Variants in FMN2 observed in about 807,000 individuals in gnomAD.
FMN2 encodes formin 2.
Under a neutral mutation model 142.3 loss-of-function variants are expected in FMN2, and 51 were observed. The observed-to-expected ratio is 0.36, with a 90% CI of 0.29 to 0.45. The LOEUF (loss-of-function observed/expected upper bound fraction) is 0.45, where lower values mean the gene tolerates loss of function less well. Ranked by LOEUF, FMN2 falls within the 20% of genes least tolerant of loss-of-function variation. The pLI is 1.00. For missense variants in FMN2, 1,936 were observed against 2,122.8 expected, an observed-to-expected ratio of 0.91 and a Z score of 1.73; for synonymous variants, 882 against 869.8, an observed-to-expected ratio of 1.01 and a Z score of -0.25.
At chr1:240,290,146 A>G (rs575885728) in intron 7 of FMN2, among the ~76,000 whole-genome samples, 1 of 152,254 alleles carries the variant, frequency 6.6e-6, no homozygotes, top group South Asian at 2.1e-4. Context: ...TATTTTTTTA[A>G]TGTAATGCAG....
At chr1:240,192,672 A>G (rs772820308) in intron 4 of FMN2, among the ~76,000 whole-genome samples, 3 of 152,172 alleles carry the variant, frequency 2.0e-5, no homozygotes, top group Non-Finnish European at 4.4e-5. Flanking sequence ...TAGGTCCTCA[A>G]TAAATAGTTT....
Position 240,472,580 on chromosome 1 carries a change from T to C in FMN2, c.5142+127T>C, listed in dbSNP as rs895527187. Reference sequence around the variant, plus strand: ...TGTGAATAAATAAGGAGCTTCTGACTTCAAGAATCTCCTTTTTCTTATGCC... The same window carrying C: ...TGTGAATAAATAAGGAGCTTCTGACCTCAAGAATCTCCTTTTTCTTATGCC... On this transcript the variant is annotated intron_variant, in intron 17 of 17. Transcript: ENST00000319653. 1.4e-5 allele frequency: 8 copies of C among 573,978 alleles called. No homozygotes were observed. The African/African-American group carries it at 1.6e-4, about 11-fold the overall frequency. 35.6% of individuals were successfully genotyped at this position (573,978 alleles called of 1,614,324 possible).
At position 240,311,021 on chromosome 1, in the gene FMN2, G is replaced by A. The variant is rs539877941; in HGVS notation, c.4215+16138G>A. Among the ~76,000 whole-genome samples, 38 of 151,864 alleles carry A rather than the reference G, an allele frequency of 2.5e-4. 1 individual carries two copies. The highest frequency in any genetic ancestry group is 8.5e-4 in the Admixed American group (13 of 15,250). On this transcript the variant is annotated intron_variant, in intron 8 of 17. Transcript: ENST00000319653. ...AACTGAAGAAAAATACATGAAAAAA[G>A]ATAGGAAGGGAAAAAATTCAACACC... is the stretch of plus-strand genomic sequence containing the variant.
intron 16 of FMN2, among the ~76,000 whole-genome samples, chr1:240,469,918 A>G (rs1676752301): frequency 6.6e-6 from 1 of 152,184 alleles, no homozygotes; most frequent in Non-Finnish European, 1.5e-5. Flanking sequence ...GGATGAGCTG[A>G]AAGATCTTGT....
chr1:240,362,696 G>C (rs1182471206), intron 14 of FMN2, among the ~76,000 whole-genome samples: 2 of 152,148 alleles, frequency 1.3e-5, no homozygotes, highest in African/African-American at 4.8e-5. Flanking sequence ...TTGGCCTTCA[G>C]TGCTCCCTTA....
At chr1:240,214,322 C>T (rs532478428) in intron 6 of FMN2, among the ~76,000 whole-genome samples, 2 of 151,996 alleles carry the variant, frequency 1.3e-5, no homozygotes, top group South Asian at 2.1e-4. Context: ...GAGGCCGAGG[C>T]GGGCGGATCA....
chr1:240,247,308 G>A (rs1040416469), intron 6 of FMN2, among the ~76,000 whole-genome samples: 3 of 152,094 alleles, frequency 2.0e-5, no homozygotes, highest in African/African-American at 7.2e-5. Flanking sequence ...TTTGAGACCA[G>A]CCTGACCAAC....
intron 2 of FMN2, among the ~76,000 whole-genome samples, chr1:240,126,935 C>T (rs575522929): frequency 9.9e-5 from 15 of 152,036 alleles, no homozygotes; most frequent in African/African-American, 2.9e-4. Flanking sequence ...GTAGGATGAG[C>T]GCAGAGGGGA....
intron 14 of FMN2, among the ~76,000 whole-genome samples, chr1:240,379,695 C>T (rs1673162575): frequency 6.6e-6 from 1 of 151,996 alleles, no homozygotes. Flanking sequence ...ATACATTTTT[C>T]TAGTTAATTA....
At chr1:240,421,062 G>A (rs955984816) in intron 15 of FMN2, among the ~76,000 whole-genome samples, 1 of 152,164 alleles carries the variant, frequency 6.6e-6, no homozygotes, top group Non-Finnish European at 1.5e-5. Context: ...GGGAGTCCTT[G>A]AGCCAAAGTC....
At chr1:240,335,241 G>A (rs929330735) in intron 13 of FMN2, among the ~76,000 whole-genome samples, 7 of 152,160 alleles carry the variant, frequency 4.6e-5, no homozygotes, top group Non-Finnish European at 8.8e-5. Flanking sequence ...TACAGTAACC[G>A]CTGTTGAAGA....
chr1:240,159,970 T>TACACACACACACACACACACACAC (rs1221510945), intron 2 of FMN2, among the ~76,000 whole-genome samples: 1 of 113,930 alleles, frequency 8.8e-6, no homozygotes, highest in Admixed American at 8.5e-5. Flanking sequence ...TGTATATATA[T>TACACACACACACACACACACACAC]ATATACACAC....
chr1:240,423,454 G>C (rs559681914), intron 15 of FMN2, among the ~76,000 whole-genome samples: 1 of 152,182 alleles, frequency 6.6e-6, no homozygotes, highest in Non-Finnish European at 1.5e-5. Flanking sequence ...TTTGCAGTTC[G>C]TTTAAACTGG....
At chr1:240,330,896 C>G in intron 11 of FMN2, 147 bp downstream of exon 11, 1 of 894,134 alleles carries the variant, frequency 1.1e-6, no homozygotes, top group Non-Finnish European at 1.6e-6. Flanking sequence ...AAAGTAATGT[C>G]CATCAGATAT....
At chr1:240,233,862 A>G (rs1470118228) in intron 6 of FMN2, among the ~76,000 whole-genome samples, 1 of 152,148 alleles carries the variant, frequency 6.6e-6, no homozygotes, top group Non-Finnish European at 1.5e-5. Context: ...CAAGCAAAAT[A>G]GCCCATTTTA....
intron 15 of FMN2, among the ~76,000 whole-genome samples, chr1:240,429,889 T>C (rs1204917911): frequency 7.3e-6 from 1 of 137,844 alleles, no homozygotes; most frequent in Non-Finnish European, 1.5e-5. Context: ...TTTTTGTTTT[T>C]TTTTTGTTTT....
intron 6 of FMN2, chr1:240,245,648 T>G: frequency 4.3e-6 from 2 of 469,322 alleles, no homozygotes; most frequent in East Asian, 1.4e-4. Flanking sequence ...GGGGTATTAG[T>G]TAAAATACTG....
At chr1:240,396,187 G>A (rs888679267) in intron 15 of FMN2, among the ~76,000 whole-genome samples, 2 of 152,070 alleles carry the variant, frequency 1.3e-5, no homozygotes, top group Non-Finnish European at 2.9e-5. Context: ...ATAGTATAAT[G>A]TAAACATAAC....
chr1:240,256,412 G>T (rs1009434901), intron 6 of FMN2, among the ~76,000 whole-genome samples: 8 of 151,978 alleles, frequency 5.3e-5, no homozygotes, highest in Non-Finnish European at 1.0e-4. Flanking sequence ...CCTTTTGGGA[G>T]ATATCGTGCC....
Sources: allele counts gnomAD v4.1 joint callset (sites outside exome capture counted in the v4.1 genomes callset), GRCh38; gene constraint gnomAD v4.1.1; transcripts MANE v1.5; gene names NCBI Gene and HGNC (gene_info 2026-07-23, HGNC 2026-07-21).